Variants in TRPS1 observed in about 807,000 individuals in gnomAD.
TRPS1 encodes zinc finger transcription factor Trps1.
A neutral mutation model predicts 101.2 loss-of-function variants in TRPS1; 6 were observed. The ratio of observed to expected loss-of-function variants is 0.06; its 90% CI spans 0.03 to 0.12. TRPS1 has a LOEUF of 0.12. TRPS1 is among the 10% of genes least tolerant of loss of function. The pLI is 1.00. For missense variants in TRPS1, 1,363 were observed against 1,567.0 expected, an observed-to-expected ratio of 0.87 and a Z score of 2.20; for synonymous variants, 578 against 589.8, an observed-to-expected ratio of 0.98 and a Z score of 0.29.
rs1211033685 is a variant in TRPS1, at chr8:115,414,981, A to G, written c.2927T>C (p.Leu976Pro). ...ATTGCTGCCCCTCTGCTGTTTGTTG[A>G]GCTGCTCAGCCTGAAGTGCCTCTGG... ...LNPEALQAEQLNKQQRGSNEE... is the reference protein window; with the variant it reads ...LNPEALQAEQPNKQQRGSNEE... Residue 976 changes from leucine (L) to proline (P), a missense_variant, in exon 7 of 7, where the codon CTC becomes CCC. This residue lies in a region of TRPS1 where 307 missense variants were observed against 392.4 expected (regional missense o/e 0.78). Coordinates refer to ENST00000395715, the MANE Select transcript of TRPS1 (RefSeq NM_014112.5). The surrounding 1 kb of genome is among the most constrained non-coding windows in gnomAD (Gnocchi z 4.8). 3 of 1,580,434 alleles carry G rather than the reference A, an allele frequency of 1.9e-6. No homozygotes were observed. Among genetic ancestry groups the G allele is most frequent in the African/African-American group, 1.4e-5 (1 of 73,266 alleles).
chr8:115,514,548 T>C (rs1251882652), intron 5 of TRPS1, among the ~76,000 whole-genome samples: 6 of 151,648 alleles, frequency 4.0e-5, no homozygotes, highest in East Asian at 3.9e-4. Context: ...CCCAAGATGT[T>C]AGCACACTTA....
intron 5 of TRPS1, among the ~76,000 whole-genome samples, chr8:115,427,664 C>A (rs1238449201): frequency 3.3e-5 from 5 of 152,060 alleles, no homozygotes; most frequent in African/African-American, 9.7e-5. Context: ...TACACCATAT[C>A]CTGGCCTTAA....
At chr8:115,442,531 C>A (rs938189976) in intron 5 of TRPS1, among the ~76,000 whole-genome samples, 3 of 149,826 alleles carry the variant, frequency 2.0e-5, no homozygotes, top group African/African-American at 7.4e-5. Context: ...ATCTGGGTAG[C>A]AAGCATCCAA....
At chr8:115,554,210 G>C (rs1816766124) in intron 5 of TRPS1, among the ~76,000 whole-genome samples, 2 of 152,042 alleles carry the variant, frequency 1.3e-5, no homozygotes, top group East Asian at 1.9e-4. Context: ...TGTGAAACTG[G>C]CTCAGCATTT....
intron 5 of TRPS1, among the ~76,000 whole-genome samples, chr8:115,422,468 G>A (rs1180077016): frequency 1.3e-5 from 2 of 152,022 alleles, no homozygotes; most frequent in Non-Finnish European, 2.9e-5. Context: ...CCGGGTTCAA[G>A]TGATTCTCTT....
Position 115,630,854 on chromosome 8 carries a change from A to G in TRPS1, c.-121-7096T>C, listed in dbSNP as rs545614409. On this transcript the variant is annotated intron_variant, in intron 1 of 6. Transcript: ENST00000395715. ...AATCTAAAGACCACTTGGTTTCCCA[A>G]TGCATTTCTCATAATCACTTTAACA... 3.3e-5 allele frequency among the ~76,000 whole-genome samples: 5 copies of G among 152,184 alleles called. No individual in the cohort carries two copies. The East Asian group carries it at 9.6e-4, about 29-fold the overall frequency.
At chr8:115,531,261 C>T (rs1281070885) in intron 5 of TRPS1, among the ~76,000 whole-genome samples, 1 of 152,078 alleles carries the variant, frequency 6.6e-6, no homozygotes, top group Non-Finnish European at 1.5e-5. Context: ...AGAAAGGCTT[C>T]CTGACAATAT....
At chr8:115,563,226 G>A (rs553163480) in intron 5 of TRPS1, among the ~76,000 whole-genome samples, 3 of 151,986 alleles carry the variant, frequency 2.0e-5, no homozygotes, top group South Asian at 2.1e-4. Flanking sequence ...CGGAAGTGGC[G>A]GGTGAGGGTG....
At chr8:115,594,717 T>G (rs1817750423) in intron 4 of TRPS1, among the ~76,000 whole-genome samples, 1 of 151,998 alleles carries the variant, frequency 6.6e-6, no homozygotes, top group South Asian at 2.1e-4. Flanking sequence ...TTATTCACAA[T>G]AGTAGTATTT....
intron 5 of TRPS1, among the ~76,000 whole-genome samples, chr8:115,492,984 G>T (rs1815065330): frequency 6.6e-6 from 1 of 152,108 alleles, no homozygotes; most frequent in Admixed American, 6.5e-5. Flanking sequence ...CAAAGTGCTG[G>T]GATTACAGGT....
At chr8:115,594,482 C>T (rs541681802) in intron 4 of TRPS1, among the ~76,000 whole-genome samples, 8 of 152,038 alleles carry the variant, frequency 5.3e-5, no homozygotes, top group South Asian at 2.1e-4. Context: ...ATACAATATT[C>T]GACAATGTGG....
intron 5 of TRPS1, among the ~76,000 whole-genome samples, chr8:115,536,551 C>T (rs1312340586): frequency 6.8e-6 from 1 of 147,784 alleles, no homozygotes; most frequent in Non-Finnish European, 1.5e-5. Flanking sequence ...ATGTATTTCA[C>T]AGCATTGTAA....
At chr8:115,620,195 ACCC>A in intron 2 of TRPS1, 135 bp from the exon 3 acceptor site, 1 of 675,184 alleles carries the variant, frequency 1.5e-6, no homozygotes, top group Non-Finnish European at 2.3e-6. Flanking sequence ...AAAAAAAAAA[ACCC>A]ATTCTAAAAA....
intron 5 of TRPS1, among the ~76,000 whole-genome samples, chr8:115,552,841 C>T (rs1053459877): frequency 1.3e-5 from 2 of 151,802 alleles, no homozygotes; most frequent in African/African-American, 4.8e-5. Context: ...TCAGCAATTC[C>T]CCCCACCCCC....
At chr8:115,547,929 C>G (rs987208109) in intron 5 of TRPS1, among the ~76,000 whole-genome samples, 2 of 152,094 alleles carry the variant, frequency 1.3e-5, no homozygotes, top group Non-Finnish European at 2.9e-5. Flanking sequence ...AAAACTTCTA[C>G]GCATAATAAT....
At chr8:115,629,373 T>C (rs1420660492) in intron 1 of TRPS1, among the ~76,000 whole-genome samples, 1 of 151,818 alleles carries the variant, frequency 6.6e-6, no homozygotes, top group African/African-American at 2.4e-5. Context: ...GCATTACAGA[T>C]AGAACATTGG....
chr8:115,635,652 A>T (rs1818751173), intron 1 of TRPS1, among the ~76,000 whole-genome samples: 1 of 152,156 alleles, frequency 6.6e-6, no homozygotes, highest in Non-Finnish European at 1.5e-5. Flanking sequence ...AAAAAGGAAG[A>T]ACACAAACAA....
intron 5 of TRPS1, among the ~76,000 whole-genome samples, chr8:115,530,884 A>AAC (rs1305305473): frequency 6.6e-6 from 1 of 152,082 alleles, no homozygotes; most frequent in Non-Finnish European, 1.5e-5. Context: ...GAACAATGAG[A>AAC]ACACCTGGAC....
intron 5 of TRPS1, among the ~76,000 whole-genome samples, chr8:115,425,669 A>G (rs897541888): frequency 6.6e-6 from 1 of 152,212 alleles, no homozygotes; most frequent in Non-Finnish European, 1.5e-5. Flanking sequence ...GAAAGAGCAG[A>G]AAATCACTAT....
Sources: allele counts gnomAD v4.1 joint callset (sites outside exome capture counted in the v4.1 genomes callset), GRCh38; gene constraint gnomAD v4.1.1; regional missense constraint gnomAD v4.1.1; non-coding constraint Gnocchi (gnomAD v3.1); transcripts MANE v1.5; gene names NCBI Gene and HGNC (gene_info 2026-07-23, HGNC 2026-07-21).